LARS2: variants seen among roughly 807,000 people sequenced by gnomAD.
LARS2 encodes the protein leucyl-tRNA synthetase 2, mitochondrial.
In LARS2, 81 loss-of-function variants were observed where a neutral mutation model predicts 116.6. The ratio of observed to expected loss-of-function variants is 0.69; its 90% CI spans 0.58 to 0.84. LARS2 has a LOEUF of 0.84. Among genes scored for constraint, LARS2 ranks in the 40% least tolerant of loss-of-function variants. The pLI is 0.00. For synonymous variants in LARS2, 396 were observed against 407.2 expected (o/e 0.97, Z 0.33); for missense variants, 968 against 1,114.5 (o/e 0.87, Z 1.87).
At chr3:45,537,555 G>C (rs780958964) in intron 20 of LARS2, among the ~76,000 whole-genome samples, 2 of 152,184 alleles carry the variant, frequency 1.3e-5, no homozygotes, top group African/African-American at 4.8e-5. Context: ...TGTAGATGTT[G>C]CTGTTTCAAA....
At chr3:45,546,792 G>A (rs1438215307) in intron 21 of LARS2, among the ~76,000 whole-genome samples, 1 of 152,202 alleles carries the variant, frequency 6.6e-6, no homozygotes, top group Non-Finnish European at 1.5e-5. Context: ...TGATTAATGT[G>A]ACAAGATGTG....
At chr3:45,415,949 G>T (rs546629726) in intron 4 of LARS2, among the ~76,000 whole-genome samples, 1 of 148,118 alleles carries the variant, frequency 6.8e-6, no homozygotes, top group East Asian at 2.0e-4. Flanking sequence ...TAGTGTAAAT[G>T]ATGTATAGGG....
At chr3:45,480,165 A>G (rs1212623610) in intron 10 of LARS2, among the ~76,000 whole-genome samples, 1 of 152,166 alleles carries the variant, frequency 6.6e-6, no homozygotes, top group African/African-American at 2.4e-5. Context: ...TGTTATGTGA[A>G]GGGAAAAGCT....
intron 7 of LARS2, 121 bp downstream of exon 7, chr3:45,447,101 C>T (rs755007820): frequency 2.6e-5 from 15 of 585,690 alleles, no homozygotes; most frequent in Admixed American, 6.5e-5. Context: ...AGACCCAGAA[C>T]GTAACTACTT....
chr3:45,491,000 A>G (rs1345303850), intron 12 of LARS2, among the ~76,000 whole-genome samples: 3 of 152,224 alleles, frequency 2.0e-5, no homozygotes, highest in African/African-American at 4.8e-5. Context: ...TTAGGATAAT[A>G]TTGGATTTTT....
intron 6 of LARS2, among the ~76,000 whole-genome samples, chr3:45,429,979 G>A (rs1698665735): frequency 7.2e-6 from 1 of 139,664 alleles, no homozygotes; most frequent in Non-Finnish European, 1.5e-5. Context: ...TGGACTTACA[G>A]GCATGAGCCA....
chr3:45,476,211 T>A (rs941579253), intron 9 of LARS2, among the ~76,000 whole-genome samples: 10 of 152,190 alleles, frequency 6.6e-5, no homozygotes, highest in Non-Finnish European at 1.5e-5. Flanking sequence ...CTGAGCATTC[T>A]TGGACCACCT....
intron 7 of LARS2, among the ~76,000 whole-genome samples, chr3:45,455,172 T>C (rs961400987): frequency 2.6e-5 from 4 of 151,794 alleles, no homozygotes; most frequent in Non-Finnish European, 5.9e-5. Context: ...TTTATTATGA[T>C]GTGCAAACCT....
At chr3:45,412,117 G>A (rs995809128) in intron 4 of LARS2, among the ~76,000 whole-genome samples, 3 of 152,172 alleles carry the variant, frequency 2.0e-5, no homozygotes, top group South Asian at 2.1e-4. Flanking sequence ...TTGAGTCCAC[G>A]TCTTTGCTAT....
At chr3:45,506,054 G>C (rs746001371) in intron 15 of LARS2, among the ~76,000 whole-genome samples, 1 of 152,010 alleles carries the variant, frequency 6.6e-6, no homozygotes, top group Non-Finnish European at 1.5e-5. Context: ...TCAACATTAA[G>C]GAACAACTAT....
At chr3:45,451,710 A>T (rs1056382082) in intron 7 of LARS2, among the ~76,000 whole-genome samples, 1 of 151,986 alleles carries the variant, frequency 6.6e-6, no homozygotes, top group Admixed American at 6.6e-5. Context: ...TTCCATACAG[A>T]TTTTAGGGGT....
chr3:45,464,721 GGGCGGCA>G (rs1699393586), intron 8 of LARS2, among the ~76,000 whole-genome samples: 30 of 152,236 alleles, frequency 2.0e-4, no homozygotes, highest in Middle Eastern at 3.4e-3. Context: ...TAAGGGGGAG[GGGCGGCA>G]GCACAAATTA....
chr3:45,531,817 T>C (rs1430367782), intron 20 of LARS2, among the ~76,000 whole-genome samples: 2 of 152,238 alleles, frequency 1.3e-5, no homozygotes, highest in East Asian at 3.8e-4. Flanking sequence ...CTCACACATA[T>C]CATTTGTTGT....
chr3:45,434,888 T>C (rs1698774768), intron 6 of LARS2, among the ~76,000 whole-genome samples: 1 of 152,196 alleles, frequency 6.6e-6, no homozygotes, highest in Non-Finnish European at 1.5e-5. Flanking sequence ...TCCACCAGTA[T>C]CACCCTGACT....
At chr3:45,441,256 C>G (rs1232110081) in intron 6 of LARS2, among the ~76,000 whole-genome samples, 3 of 152,160 alleles carry the variant, frequency 2.0e-5, no homozygotes, top group Non-Finnish European at 2.9e-5. Context: ...AACTTCTGAC[C>G]TCAGGTGATC....
intron 21 of LARS2, among the ~76,000 whole-genome samples, chr3:45,546,039 A>G (rs1315437426): frequency 2.6e-5 from 4 of 151,434 alleles, no homozygotes; most frequent in African/African-American, 9.7e-5. Context: ...ATCTCCCCAC[A>G]TGAGAGCACC....
chr3:45,411,689 G>A (rs1283125806), intron 4 of LARS2, among the ~76,000 whole-genome samples: 2 of 152,048 alleles, frequency 1.3e-5, no homozygotes, highest in African/African-American at 4.8e-5. Flanking sequence ...TTTAAAATAA[G>A]CTTTTTAACT....
At chr3:45,447,659 A>G (rs1468610567) in intron 7 of LARS2, among the ~76,000 whole-genome samples, 1 of 152,180 alleles carries the variant, frequency 6.6e-6, no homozygotes, top group African/African-American at 2.4e-5. Context: ...GAATCAGCCA[A>G]ATAAACTTCT....
chr3:45,458,907 TC>T, intron 8 of LARS2, 21 bp downstream of exon 8: 1 of 1,613,052 alleles, frequency 6.2e-7, no homozygotes, highest in South Asian at 1.1e-5. Context: ...GCCTGGAGGC[TC>T]CCCACTAATG....
Sources: allele counts gnomAD v4.1 joint callset (sites outside exome capture counted in the v4.1 genomes callset), GRCh38; gene constraint gnomAD v4.1.1; transcripts MANE v1.5; gene names NCBI Gene and HGNC (gene_info 2026-07-23, HGNC 2026-07-21).